The following RTKN2 variants were observed in gnomAD, a reference collection of about 807,000 sequenced individuals.
The protein encoded by RTKN2 is rhotekin-2.
Under a neutral mutation model 71.5 loss-of-function variants are expected in RTKN2, and 69 were observed. The observed-to-expected ratio is 0.96, with a 90% CI of 0.79 to 1.18. The LOEUF (loss-of-function observed/expected upper bound fraction) is 1.18. Ranked by LOEUF, RTKN2 falls within the 50% of genes most tolerant of loss-of-function variation. The probability of loss-of-function intolerance (pLI) is 0.00; values close to 1 mark genes in which losing one functional copy is unlikely to be tolerated. For synonymous variants in RTKN2, 236 were observed against 236.5 expected (o/e 1.00, Z 0.02); for missense variants, 724 against 719.7 (o/e 1.01, Z -0.07).
At chr10:62,260,284 A>G (rs1422362594) in intron 2 of RTKN2, among the ~76,000 whole-genome samples, 1 of 152,222 alleles carries the variant, frequency 6.6e-6, no homozygotes, top group Non-Finnish European at 1.5e-5. Context: ...TGCAAGCGGT[A>G]GATATTCAGT....
chr10:62,259,726 CTT>C (rs758710632), intron 2 of RTKN2, among the ~76,000 whole-genome samples: 1 of 151,848 alleles, frequency 6.6e-6, no homozygotes, highest in Admixed American at 6.6e-5. Flanking sequence ...TAATTTTTGT[CTT>C]TTTTGTAGAG....
chr10:62,245,556 A>G (rs1842462581), intron 3 of RTKN2, among the ~76,000 whole-genome samples: 1 of 152,162 alleles, frequency 6.6e-6, no homozygotes, highest in African/African-American at 2.4e-5. Flanking sequence ...TGAGCCAAGC[A>G]CCATGCTAGC....
intron 8 of RTKN2, chr10:62,184,453 C>T: frequency 2.5e-6 from 2 of 804,488 alleles, no homozygotes; most frequent in Admixed American, 3.0e-5. Context: ...AAAGTCACCA[C>T]CAATCAGAAT....
chr10:62,192,840 G>A (rs1841244945), downstream of RTKN2, among the ~76,000 whole-genome samples: 1 of 152,184 alleles, frequency 6.6e-6, no homozygotes. Context: ...GTAAACTATG[G>A]AAGGGGATTT....
At chr10:62,263,169 G>T (rs1589389103) in intron 1 of RTKN2, among the ~76,000 whole-genome samples, 1 of 152,212 alleles carries the variant, frequency 6.6e-6, no homozygotes, top group South Asian at 2.1e-4. Flanking sequence ...TTTTGCAGAT[G>T]TAATTAGGTA....
In RTKN2 at chr10:62,194,470, C is replaced by T; in HGVS notation, c.*3438G>A. 2.0e-6 allele frequency: 2 copies of T among 977,194 alleles called. No homozygotes were observed. The highest frequency in any genetic ancestry group is 2.4e-6 in the Non-Finnish European group (2 of 822,518). The allele number at this position is 977,194 out of a possible 1,614,324, so 60.5% of individuals were successfully genotyped here. A position where few individuals can be genotyped will look rare whatever the true frequency, so the allele number is the denominator to read the frequency against. On this transcript the variant is annotated 3_prime_UTR_variant, in exon 12 of 12. Transcript: ENST00000373789. ...ATGGTCATCAGTTAAAGTTTAATTA[C>T]TATTCAATAATTCACTCTTTAACAA... is the stretch of plus-strand genomic sequence containing the variant.
chr10:62,190,478 G>A (rs1003283042), downstream of RTKN2, among the ~76,000 whole-genome samples: 4 of 152,038 alleles, frequency 2.6e-5, no homozygotes, highest in African/African-American at 7.2e-5. Context: ...TGCTTTGGCC[G>A]AATTAGGAGA....
intron 6 of RTKN2, among the ~76,000 whole-genome samples, chr10:62,228,056 T>C (rs1182120757): frequency 1.3e-5 from 2 of 152,182 alleles, no homozygotes; most frequent in African/African-American, 2.4e-5. Context: ...TTATTTGAGA[T>C]TGTTTTCAGT....
intron 5 of RTKN2, 147 bp from the exon 6 acceptor site, chr10:62,236,410 C>G (rs117743469): frequency 1.2e-3 from 747 of 616,496 alleles, no homozygotes; most frequent in Non-Finnish European, 1.7e-3. Context: ...CTACTTCACA[C>G]CCATAAGGAT....
rs1455075807 is a variant in RTKN2, at chr10:62,231,572, A to G, written c.686+4494T>C. Among the ~76,000 whole-genome samples, 4 of 152,156 alleles carry G rather than the reference A, an allele frequency of 2.6e-5. No individual in the cohort carries two copies. In the East Asian group the frequency reaches 7.7e-4, roughly 29 times the overall value. On this transcript the variant is annotated intron_variant, in intron 6 of 11. Coordinates refer to ENST00000373789, the MANE Select transcript of RTKN2 (RefSeq NM_145307.4). ...TAACATTTTCTTTCTAAAACATCACACTCATTCCTTTTAGCCAACCCTAAT... is the reference window on the plus strand; with the variant it reads ...TAACATTTTCTTTCTAAAACATCACGCTCATTCCTTTTAGCCAACCCTAAT...
intron 9 of RTKN2, among the ~76,000 whole-genome samples, chr10:62,216,442 C>G (rs1841770938): frequency 6.6e-6 from 1 of 151,990 alleles, no homozygotes; most frequent in Admixed American, 6.6e-5. Flanking sequence ...CAACACTAGA[C>G]TTGAATAACA....
In RTKN2 at chr10:62,206,208, A is replaced by AT. The variant is rs1349081785; in HGVS notation, c.1021-1187dup. Among the ~76,000 whole-genome samples, 9 of 152,254 alleles carry AT rather than the reference A, an allele frequency of 5.9e-5. No individual in the cohort carries two copies. The East Asian group carries it at 1.5e-3, about 26-fold the overall frequency. On this transcript the variant is annotated intron_variant, in intron 9 of 11. Transcript: ENST00000373789. ...CAGGATAGTGGCTACTGCACTGTACATAGTGGTTCAAGAGAATCATGGTTA... is the reference window on the plus strand; with the variant it reads ...CAGGATAGTGGCTACTGCACTGTACATTAGTGGTTCAAGAGAATCATGGTTA...
chr10:62,223,934 A>G (rs575561778), intron 6 of RTKN2, among the ~76,000 whole-genome samples: 1 of 149,584 alleles, frequency 6.7e-6, no homozygotes, highest in African/African-American at 2.5e-5. Flanking sequence ...CCAGGGATGA[A>G]GGAATCAACA....
chr10:62,225,850 C>G (rs529624126), intron 6 of RTKN2, among the ~76,000 whole-genome samples: 31 of 150,780 alleles, frequency 2.1e-4, no homozygotes, highest in Non-Finnish European at 4.0e-4. Context: ...GGCACAATCT[C>G]GACTCACTGC....
chr10:62,212,680 G>A (rs553374153), intron 9 of RTKN2, among the ~76,000 whole-genome samples: 2 of 152,186 alleles, frequency 1.3e-5, no homozygotes, highest in South Asian at 4.1e-4. Flanking sequence ...TCCAGCCTGA[G>A]AGACAGGGCC....
In RTKN2 at chr10:62,197,942, A is replaced by T. The variant is rs1841361313; in HGVS notation, c.1796T>A (p.Leu599Gln). ...APRQKSIKDI[L>Q]DPRSWLQAQV ...TGCCTGCAGCCATGATCTAGGGTCC[A>T]GAATGTCTTTGATGGATTTCTGCCT... The change falls in exon 12 of 12, where the codon CTG becomes CAG. Residue 599 changes from leucine to glutamine, a missense_variant. Leu to Gln is a moderately radical substitution (Grantham distance 113). Coordinates refer to ENST00000373789, the MANE Select transcript of RTKN2 (RefSeq NM_145307.4). 1 of 1,613,838 alleles carries T rather than the reference A, an allele frequency of 6.2e-7. No individual in the cohort carries two copies. The highest frequency in any genetic ancestry group is 8.5e-7 in the Non-Finnish European group (1 of 1,179,902).
chr10:62,247,600 A>G (rs1364999975), intron 2 of RTKN2, among the ~76,000 whole-genome samples: 1 of 151,966 alleles, frequency 6.6e-6, no homozygotes, highest in Non-Finnish European at 1.5e-5. Context: ...GAAGTTCAAC[A>G]TTTTATATTA....
At chr10:62,247,785 T>C (rs918338771) in intron 2 of RTKN2, among the ~76,000 whole-genome samples, 9 of 152,022 alleles carry the variant, frequency 5.9e-5, no homozygotes, top group African/African-American at 1.2e-4. Flanking sequence ...AGAAATACAA[T>C]ACAAACATAA....
In RTKN2 at chr10:62,197,823, A is replaced by G. The variant is rs1841358788; in HGVS notation, c.*85T>C. ...TTGGTATAAATCACTATATTTACCT[A>G]TATAATTACACATTATTCTATAATG... On this transcript the variant is annotated 3_prime_UTR_variant, in exon 12 of 12. Transcript: ENST00000373789. 1.4e-6 allele frequency: 2 copies of G among 1,457,966 alleles called. No individual in the cohort carries two copies. The highest frequency in any genetic ancestry group is 9.1e-7 in the Non-Finnish European group (1 of 1,101,144). 90.3% of individuals were successfully genotyped at this position (1,457,966 alleles called of 1,614,324 possible). A position where few individuals can be genotyped will look rare whatever the true frequency, so the allele number is the denominator to read the frequency against.
Sources: allele counts gnomAD v4.1 joint callset (sites outside exome capture counted in the v4.1 genomes callset), GRCh38; gene constraint gnomAD v4.1.1; transcripts MANE v1.5; gene names NCBI Gene and HGNC (gene_info 2026-07-23, HGNC 2026-07-21).